The following ITGA2 variants were observed in gnomAD, a reference collection of about 807,000 sequenced individuals.
The protein encoded by ITGA2 is integrin subunit alpha 2.
Under a neutral mutation model 146.3 loss-of-function variants are expected in ITGA2, and 101 were observed. That is an observed-to-expected ratio of 0.69 (90% CI 0.59 to 0.81). ITGA2 has a LOEUF of 0.81. Ranked by LOEUF, ITGA2 falls within the 40% of genes least tolerant of loss-of-function variation. ITGA2 has a pLI of 0.00. For missense variants in ITGA2, 1,281 were observed against 1,402.7 expected, an observed-to-expected ratio of 0.91 and a Z score of 1.39; for synonymous variants, 477 against 487.1, an observed-to-expected ratio of 0.98 and a Z score of 0.27.
At chr5:53,065,177 A>C in intron 14 of ITGA2, 62 bp downstream of exon 14, 6 of 1,495,516 alleles carry the variant, frequency 4.0e-6, no homozygotes, top group Non-Finnish European at 5.6e-6. Flanking sequence ...TAGACATAGA[A>C]AGCGTCATGT....
In ITGA2 at chr5:53,072,068, C is replaced by T; in HGVS notation, c.2346+20C>T. 6.7e-7 allele frequency: 1 copy of T among 1,500,104 alleles called. No homozygotes were observed. Among genetic ancestry groups the T allele is most frequent in the Non-Finnish European group, 9.3e-7 (1 of 1,077,264 alleles). 92.9% of individuals were successfully genotyped at this position (1,500,104 alleles called of 1,614,324 possible). On this transcript the variant is annotated intron_variant, in intron 18 of 29. Coordinates refer to ENST00000296585, the MANE Select transcript of ITGA2 (RefSeq NM_002203.4). ...TTCAGTGTAAGTGCAGCTTACACTT[C>T]CTGGATTTAGACTGGCAAATAAAGT...
chr5:53,082,624 C>G (rs538804663), intron 26 of ITGA2, among the ~76,000 whole-genome samples: 1 of 152,076 alleles, frequency 6.6e-6, no homozygotes, highest in African/African-American at 2.4e-5. Context: ...ATCAAAATCC[C>G]GCACAAGAGT....
Position 53,056,072 on chromosome 5 carries a change from ACT to A in ITGA2, c.1020_1021del (p.Phe342GlnfsTer4), listed in dbSNP as rs1431339894. The stretch of plus-strand genomic sequence containing the variant: ...ATCGCTAGTATTCCAACAGAAAGAT[ACT>A]TTTTCAATGTGTCTGATGAAGCAGC... On this transcript the variant is annotated frameshift_variant, in exon 9 of 30. Transcript: ENST00000296585. LOFTEE classifies it high-confidence loss of function. The A allele has an allele frequency of 6.2e-7, 1 of 1,611,728 alleles. No homozygotes were observed. Among genetic ancestry groups the A allele is most frequent in the Non-Finnish European group, 8.5e-7 (1 of 1,178,664 alleles).
intron 16 of ITGA2, among the ~76,000 whole-genome samples, chr5:53,068,751 C>T (rs1393055569): frequency 6.6e-6 from 1 of 150,938 alleles, no homozygotes; most frequent in Admixed American, 6.6e-5. Context: ...ATCTTCACAA[C>T]TGTGGAAAGT....
At chr5:53,059,793 AT>A (rs1171129132) in intron 10 of ITGA2, 80 bp from the exon 11 acceptor site, 8 of 1,249,434 alleles carry the variant, frequency 6.4e-6, no homozygotes, top group Non-Finnish European at 9.2e-6. Context: ...TAAACAACTT[AT>A]TTCAATGTTT....
chr5:53,083,576 A>G, intron 27 of ITGA2, 123 bp downstream of exon 27: 2 of 723,866 alleles, frequency 2.8e-6, no homozygotes, highest in Non-Finnish European at 5.0e-6. Flanking sequence ...CAAATAACCC[A>G]GAGCATTTTA....
chr5:53,046,668 A>C lies in ITGA2; in HGVS notation c.387+1576A>C, dbSNP rs1421934. Among the ~76,000 whole-genome samples, 4 of 151,298 alleles carry C rather than the reference A, an allele frequency of 2.6e-5. No homozygotes were observed. In the East Asian group the frequency reaches 7.9e-4, roughly 30 times the overall value. On this transcript the variant is annotated intron_variant, in intron 4 of 29. Coordinates refer to ENST00000296585, the MANE Select transcript of ITGA2 (RefSeq NM_002203.4). Reference sequence around the variant, plus strand: ...AATTTGAGAGATTAATTAGCAGTCCAGGTAGCAAGCAGAGAGGCAGAAAGA... The same window carrying C: ...AATTTGAGAGATTAATTAGCAGTCCCGGTAGCAAGCAGAGAGGCAGAAAGA...
Position 53,081,575 on chromosome 5 carries a change from G to C in ITGA2, c.3040-17G>C. On this transcript the variant is annotated splice_polypyrimidine_tract_variant and intron_variant, in intron 25 of 29. Coordinates refer to ENST00000296585, the MANE Select transcript of ITGA2 (RefSeq NM_002203.4). Reference sequence around the variant, plus strand: ...TGTTTTGCTTCTGAAGTCTGATCGGGTGTTCTTCTTTTATAGGCTGGTGAC... The same window carrying C: ...TGTTTTGCTTCTGAAGTCTGATCGGCTGTTCTTCTTTTATAGGCTGGTGAC... The C allele has an allele frequency of 6.4e-7, 1 of 1,572,790 alleles. No individual in the cohort carries two copies. Among genetic ancestry groups the C allele is most frequent in the Non-Finnish European group, 8.7e-7 (1 of 1,144,556 alleles).
At chr5:53,050,376 TA>T (rs1261641148) in intron 6 of ITGA2, among the ~76,000 whole-genome samples, 2 of 152,220 alleles carry the variant, frequency 1.3e-5, no homozygotes, top group East Asian at 3.8e-4. Flanking sequence ...GTGGGATTAC[TA>T]CCATCTTCCT....
At chr5:53,067,349 A>T in intron 16 of ITGA2, 92 bp downstream of exon 16, 1 of 1,404,860 alleles carries the variant, frequency 7.1e-7, no homozygotes, top group South Asian at 1.2e-5. Flanking sequence ...AGGCCAAGAG[A>T]AATAAGGGTT....
At chr5:53,080,466 A>T in intron 24 of ITGA2, 45 bp from the exon 25 acceptor site, 1 of 1,463,976 alleles carries the variant, frequency 6.8e-7, no homozygotes, top group Non-Finnish European at 9.6e-7. Flanking sequence ...TCCTTGCATC[A>T]TGTACATCCT....
chr5:53,009,014 G>A (rs1328441972), intron 1 of ITGA2, among the ~76,000 whole-genome samples: 2 of 152,072 alleles, frequency 1.3e-5, no homozygotes, highest in Non-Finnish European at 2.9e-5. Flanking sequence ...ACATGAAGGG[G>A]CCCAGACAGA....
At position 53,065,704 on chromosome 5, in the gene ITGA2, G is replaced by T. The variant is rs1314766282; in HGVS notation, c.1807-137G>T. 8 of 1,128,158 alleles carry T rather than the reference G, an allele frequency of 7.1e-6. No homozygotes were observed. The Admixed American group carries it at 8.2e-5, about 12-fold the overall frequency. 69.9% of individuals were successfully genotyped at this position (1,128,158 alleles called of 1,614,324 possible). A position where few individuals can be genotyped will look rare whatever the true frequency, so the allele number is the denominator to read the frequency against. ...AGATAATAAGATGTGATTAAAAAAT[G>T]AATCTTTAGAATTTGTAGAGAATAA... is the stretch of plus-strand genomic sequence containing the variant. On this transcript the variant is annotated intron_variant, in intron 14 of 29. Coordinates refer to ENST00000296585, the MANE Select transcript of ITGA2 (RefSeq NM_002203.4).
intron 1 of ITGA2, among the ~76,000 whole-genome samples, chr5:52,997,177 G>A (rs972123499): frequency 1.3e-5 from 2 of 152,138 alleles, no homozygotes; most frequent in Admixed American, 6.5e-5. Context: ...TAGACTGTTG[G>A]GACAGTTAAT....
intron 9 of ITGA2, among the ~76,000 whole-genome samples, chr5:53,056,732 A>C (rs891369096): frequency 3.9e-5 from 6 of 151,902 alleles, no homozygotes; most frequent in Admixed American, 3.3e-4. Context: ...TAATTTACTT[A>C]GGTGGCCTTG....
chr5:53,023,865 G>A (rs192524905), intron 1 of ITGA2, among the ~76,000 whole-genome samples: 1 of 152,298 alleles, frequency 6.6e-6, no homozygotes, highest in East Asian at 1.9e-4. Flanking sequence ...AATGATGACA[G>A]AGATCTGAAT....
chr5:53,088,232 CTG>C (rs1740210019), intron 28 of ITGA2, among the ~76,000 whole-genome samples: 1 of 152,100 alleles, frequency 6.6e-6, no homozygotes, highest in Non-Finnish European at 1.5e-5. Context: ...CTACTGAAGA[CTG>C]TTTTTAGAAA....
intron 24 of ITGA2, 43 bp from the exon 25 acceptor site, chr5:53,080,466 ATG>A (rs1303620059): frequency 6.8e-7 from 1 of 1,463,976 alleles, no homozygotes; most frequent in Non-Finnish European, 9.6e-7. Flanking sequence ...TCCTTGCATC[ATG>A]TACATCCTGT....
In ITGA2 at chr5:53,048,351, A is replaced by T. The variant is rs763112429; in HGVS notation, c.388-12A>T. 2.5e-6 allele frequency: 4 copies of T among 1,602,626 alleles called. No individual in the cohort carries two copies. Among genetic ancestry groups the T allele is most frequent in the Non-Finnish European group, 3.4e-6 (4 of 1,169,546 alleles). ...ATGTGTTTCCATTGATTGTTTTCTC[A>T]TTTCTTTGAAGACATGTGGTCCTCT... On this transcript the variant is annotated splice_polypyrimidine_tract_variant and intron_variant, in intron 4 of 29. Coordinates refer to ENST00000296585, the MANE Select transcript of ITGA2 (RefSeq NM_002203.4).
Sources: gnomAD v4.1 joint callset for allele counts (sites outside exome capture counted in the v4.1 genomes callset) on GRCh38, gnomAD v4.1.1 for gene constraint, MANE v1.5 for transcripts, NCBI Gene and HGNC (gene_info 2026-07-23, HGNC 2026-07-21) for gene names.